Variants in MRPS9 observed in about 807,000 individuals in gnomAD.
MRPS9 encodes the protein small ribosomal subunit protein uS9m.
A neutral mutation model predicts 59.9 loss-of-function variants in MRPS9; 45 were observed. That is an observed-to-expected ratio of 0.75 (90% confidence interval 0.59 to 0.96). The LOEUF (loss-of-function observed/expected upper bound fraction) is 0.96. Ranked by LOEUF, MRPS9 falls within the 40% of genes least tolerant of loss-of-function variation. The pLI, the probability that MRPS9 is intolerant of heterozygous loss-of-function variation, is 0.00. For synonymous variants in MRPS9, 171 were observed against 166.8 expected (o/e 1.03, Z -0.19); for missense variants, 473 against 481.1 (o/e 0.98, Z 0.16).
chr2:105,071,598 A>G (rs1374977901), intron 4 of MRPS9, 109 bp downstream of exon 4: 6 of 1,065,444 alleles, frequency 5.6e-6, no homozygotes, highest in Non-Finnish European at 4.1e-6. Context: ...CCTGTGTCAC[A>G]GTAGTTGTGA....
At chr2:105,099,521 G>T (rs998499613) in intron 10 of MRPS9, 149 bp from the exon 11 acceptor site, 9 of 567,046 alleles carry the variant, frequency 1.6e-5, no homozygotes, top group Non-Finnish European at 2.7e-5. Context: ...TCATGAGGTT[G>T]ATACTGGGCT....
Position 105,086,076 on chromosome 2 carries a change from G to T in MRPS9, c.490-2908G>T, listed in dbSNP as rs571250775. Among the ~76,000 whole-genome samples, 11 of 152,246 alleles carry T rather than the reference G, an allele frequency of 7.2e-5. No individual in the cohort carries two copies. In the East Asian group the frequency reaches 1.9e-3, roughly 27 times the overall value. ...ATTATGCAAAAGAGAAAGAATAAAT[G>T]GAAATGATGCACCAGTAAAATTGTT... On this transcript the variant is annotated intron_variant, in intron 5 of 10. Transcript: ENST00000258455.
rs147592887 is a variant in MRPS9 at position 105,088,264 on chromosome 2, C to T, written c.490-720C>T. ...TTAGTCTCAAAAAGTTAAGTTTGCT[C>T]AGGCAAAAGCTGTACTATTTTGCTT... is the stretch of plus-strand genomic sequence containing the variant. On this transcript the variant is annotated intron_variant, in intron 5 of 10. Coordinates refer to ENST00000258455, the MANE Select transcript of MRPS9 (RefSeq NM_182640.3). Among the ~76,000 whole-genome samples, 255 of 152,250 alleles carry T rather than the reference C, an allele frequency of 1.7e-3. 3 individuals carry two copies. The highest frequency in any genetic ancestry group is 6.0e-3 in the African/African-American group (251 of 41,558).
intron 9 of MRPS9, among the ~76,000 whole-genome samples, chr2:105,095,058 C>G (rs34818977): frequency 0.22 from 32,892 of 152,036 alleles, 3,627 homozygotes; most frequent in Middle Eastern, 0.35. Flanking sequence ...GAAGCCTAAG[C>G]CTAGTCTTGG....
At chr2:105,082,762 A>C (rs1290232846) in intron 5 of MRPS9, among the ~76,000 whole-genome samples, 1 of 152,050 alleles carries the variant, frequency 6.6e-6, no homozygotes, top group Non-Finnish European at 1.5e-5. Context: ...AATGTGCCAC[A>C]CTCCACAGGT....
At chr2:105,043,054 T>A (rs969224270) in intron 1 of MRPS9, among the ~76,000 whole-genome samples, 7 of 152,090 alleles carry the variant, frequency 4.6e-5, no homozygotes, top group Middle Eastern at 3.4e-3. Context: ...AAGGTTTTTT[T>A]AAAAAAATAG....
At chr2:105,052,233 A>T (rs1377202107) in intron 2 of MRPS9, among the ~76,000 whole-genome samples, 1 of 152,198 alleles carries the variant, frequency 6.6e-6, no homozygotes, top group East Asian at 1.9e-4. Context: ...ATTCACCATT[A>T]AATATGATGT....
At chr2:105,060,966 C>A (rs1054826906) in intron 2 of MRPS9, among the ~76,000 whole-genome samples, 1 of 151,684 alleles carries the variant, frequency 6.6e-6, no homozygotes, top group Non-Finnish European at 1.5e-5. Context: ...AAAAAATTAG[C>A]CGGGCATGGT....
At chr2:105,046,515 C>T (rs1679598937) in intron 1 of MRPS9, among the ~76,000 whole-genome samples, 2 of 151,936 alleles carry the variant, frequency 1.3e-5, no homozygotes, top group African/African-American at 4.8e-5. Context: ...TGCTCACACC[C>T]ACAAAGCCAC....
chr2:105,071,102 C>T (rs1212217841), intron 2 of MRPS9, among the ~76,000 whole-genome samples: 2 of 152,332 alleles, frequency 1.3e-5, no homozygotes, highest in East Asian at 3.9e-4. Flanking sequence ...AAAGCTGACA[C>T]TTGAAAATTG....
chr2:105,093,766 A>T (rs1484194947), intron 9 of MRPS9, 128 bp downstream of exon 9: 1 of 491,012 alleles, frequency 2.0e-6, no homozygotes, highest in African/African-American at 2.0e-5. Flanking sequence ...TACCAATGTA[A>T]CATATCAAAC....
intron 4 of MRPS9, among the ~76,000 whole-genome samples, chr2:105,075,124 T>C (rs1296612321): frequency 6.6e-6 from 1 of 152,212 alleles, no homozygotes; most frequent in Non-Finnish European, 1.5e-5. Context: ...TCGCATGTGC[T>C]GTTCACAATA....
At chr2:105,068,013 G>A (rs1484344634) in intron 2 of MRPS9, among the ~76,000 whole-genome samples, 1 of 152,068 alleles carries the variant, frequency 6.6e-6, no homozygotes, top group Non-Finnish European at 1.5e-5. Context: ...TTGTAGAGAT[G>A]GGATCTCAGT....
chr2:105,044,437 C>T (rs1242558438), intron 1 of MRPS9, among the ~76,000 whole-genome samples: 2 of 152,088 alleles, frequency 1.3e-5, no homozygotes, highest in Non-Finnish European at 2.9e-5. Context: ...ATTCAATATC[C>T]TGCTACTGAT....
At chr2:105,046,276 GCAGA>G (rs66516848) in intron 1 of MRPS9, among the ~76,000 whole-genome samples, 74,328 of 151,310 alleles carry the variant, frequency 0.49, 18,717 homozygotes, top group East Asian at 0.72. Flanking sequence ...TTTGCTCTCA[GCAGA>G]CAGACCATCT....
intron 5 of MRPS9, among the ~76,000 whole-genome samples, chr2:105,085,214 G>C (rs1680424028): frequency 6.6e-6 from 1 of 152,124 alleles, no homozygotes; most frequent in South Asian, 2.1e-4. Flanking sequence ...TGGAACTTGA[G>C]ATACATAGCG....
At chr2:105,087,610 A>G (rs756610772) in intron 5 of MRPS9, among the ~76,000 whole-genome samples, 13 of 152,026 alleles carry the variant, frequency 8.6e-5, no homozygotes, top group Non-Finnish European at 1.3e-4. Flanking sequence ...TCTCAATTCT[A>G]CTACGCTTAA....
intron 4 of MRPS9, among the ~76,000 whole-genome samples, chr2:105,077,469 G>T (rs1356001598): frequency 6.8e-6 from 1 of 148,040 alleles, no homozygotes. Context: ...GTGTAACTTT[G>T]AGTGGAAAAA....
chr2:105,094,210 A>G (rs968096401), intron 9 of MRPS9, among the ~76,000 whole-genome samples: 6 of 152,208 alleles, frequency 3.9e-5, no homozygotes, highest in African/African-American at 1.4e-4. Flanking sequence ...ATGGGTTAAA[A>G]TAAGAACTCA....
Sources: allele counts gnomAD v4.1 joint callset (sites outside exome capture counted in the v4.1 genomes callset), GRCh38; gene constraint gnomAD v4.1.1; transcripts MANE v1.5; gene names NCBI Gene and HGNC (gene_info 2026-07-23, HGNC 2026-07-21).